Variants in RBL1 observed in about 807,000 individuals in gnomAD.
RBL1 encodes the protein retinoblastoma-like protein 1.
In RBL1, 82 loss-of-function variants were observed where a neutral mutation model predicts 123.0. That is an observed-to-expected ratio of 0.67 (90% CI 0.56 to 0.80). The LOEUF (loss-of-function observed/expected upper bound fraction) is 0.80. Among genes scored for constraint, RBL1 ranks in the 30% least tolerant of loss-of-function variants. The pLI is 0.00. For missense variants in RBL1, 1,171 were observed against 1,299.6 expected (o/e 0.90, Z 1.52); for synonymous variants, 405 against 441.3 (o/e 0.92, Z 1.03).
At chr20:37,005,667 T>C (rs1016142925) in intron 20 of RBL1, among the ~76,000 whole-genome samples, 2 of 152,112 alleles carry the variant, frequency 1.3e-5, no homozygotes, top group Non-Finnish European at 2.9e-5. Context: ...TCCTGTATAA[T>C]GGAAATAAAT....
chr20:37,022,345 G>C (rs1215207618), intron 17 of RBL1, among the ~76,000 whole-genome samples: 1 of 152,166 alleles, frequency 6.6e-6, no homozygotes, highest in Non-Finnish European at 1.5e-5. Flanking sequence ...TATTTTTCTT[G>C]AGACAGGGTC....
intron 2 of RBL1, among the ~76,000 whole-genome samples, chr20:37,085,540 C>G (rs147387025): frequency 6.6e-6 from 1 of 151,910 alleles, no homozygotes; most frequent in African/African-American, 2.4e-5. Flanking sequence ...TAACCTTTAC[C>G]GTTGTAACCA....
intron 2 of RBL1, among the ~76,000 whole-genome samples, chr20:37,084,434 C>T (rs2065507165): frequency 6.6e-6 from 1 of 151,350 alleles, no homozygotes; most frequent in South Asian, 2.1e-4. Flanking sequence ...GAAGAATTTC[C>T]AAAATATAAA....
rs1441590135 is a variant in RBL1 at position 36,998,889 on chromosome 20, T to A, written c.3077A>T (p.Gln1026Leu). 1 of 1,613,782 alleles carries A rather than the reference T, an allele frequency of 6.2e-7. No homozygotes were observed. Among genetic ancestry groups the A allele is most frequent in the East Asian group, 2.2e-5 (1 of 44,878 alleles). ...GGCTATTACTCGCTTCTTGGTTCTC[T>A]GCTCACCTTGCCTTATCATGTTGTT... The part of the protein sequence containing the change: ...DINNMIRQGE[Q>L]RTKKRVIAID... Residue 1026 changes from glutamine (Q) to leucine (L), a missense_variant, in exon 22 of 22, where the codon CAG becomes CTG. Coordinates refer to ENST00000373664, the MANE Select transcript of RBL1 (RefSeq NM_002895.5).
In RBL1 at chr20:37,060,806, A is replaced by G. The variant is rs138248005; in HGVS notation, c.1250+297T>C. Among the ~76,000 whole-genome samples the G allele has an allele frequency of 2.0e-3, 305 of 151,448 alleles. 2 individuals are homozygous for G. Among genetic ancestry groups the G allele is most frequent in the African/African-American group, 7.0e-3 (289 of 41,330 alleles). ...TCAAAAAAAAAACAAAAAAAAAGGG[A>G]GAGATAAGGTCTCCCTATCTTGGCC... is the stretch of plus-strand genomic sequence containing the variant. On this transcript the variant is annotated intron_variant, in intron 9 of 21. Transcript: ENST00000373664.
At chr20:37,016,735 T>C (rs1207872751) in intron 19 of RBL1, among the ~76,000 whole-genome samples, 1 of 151,844 alleles carries the variant, frequency 6.6e-6, no homozygotes, top group African/African-American at 2.4e-5. Flanking sequence ...GAGACCAGCC[T>C]GGGCAACATG....
chr20:37,022,776 A>C lies in RBL1; in HGVS notation c.2433T>G (p.Asp811Glu). The C allele has an allele frequency of 6.2e-7, 1 of 1,613,750 alleles. No individual in the cohort carries two copies. The highest frequency in any genetic ancestry group is 8.5e-7 in the Non-Finnish European group (1 of 1,179,718). The change falls in exon 17 of 22, where the codon GAT becomes GAG. Residue 811 changes from aspartate (D) to glutamate (E), a missense_variant. Transcript: ENST00000373664. Reference protein sequence around the residue: ...VRLRDLCLKLDVSNELRRKIW... With the variant: ...VRLRDLCLKLEVSNELRRKIW... ...TCTTCCTTCGTAACTCATTTGAAAC[A>C]TCCAGTTTTAGACATAGATCACGTA... is the stretch of plus-strand genomic sequence containing the variant.
At chr20:37,062,338 GA>G in intron 7 of RBL1, 68 bp from the exon 8 acceptor site, 1 of 1,543,788 alleles carries the variant, frequency 6.5e-7, no homozygotes, top group Non-Finnish European at 8.7e-7. Flanking sequence ...CTTGAAGATA[GA>G]TTTAGTGTTT....
rs960833926 is a variant in RBL1 at position 37,017,020 on chromosome 20, A to G, written c.2722+1259T>C. Among the ~76,000 whole-genome samples, 15 of 151,432 alleles carry G rather than the reference A, an allele frequency of 9.9e-5. 1 individual carries two copies. In the South Asian group the frequency reaches 1.7e-3, roughly 17 times the overall value. On this transcript the variant is annotated intron_variant, in intron 19 of 21. Coordinates refer to ENST00000373664, the MANE Select transcript of RBL1 (RefSeq NM_002895.5). ...GAGAGAAGACGAGACGAGACGAGACAAGACGAGACAAGAAAAGGAGAAATG... is the reference window on the plus strand; with the variant it reads ...GAGAGAAGACGAGACGAGACGAGACGAGACGAGACAAGAAAAGGAGAAATG...
intron 11 of RBL1, among the ~76,000 whole-genome samples, chr20:37,054,785 G>A (rs749683496): frequency 2.0e-5 from 3 of 151,822 alleles, no homozygotes; most frequent in Admixed American, 1.3e-4. Flanking sequence ...AGCCGAGATC[G>A]TGCCACTGCA....
intron 15 of RBL1, 72 bp from the exon 16 acceptor site, chr20:37,032,948 C>G: frequency 6.5e-7 from 1 of 1,546,780 alleles, no homozygotes; most frequent in East Asian, 2.4e-5. Flanking sequence ...TATATTTTGA[C>G]AATTATATAT....
chr20:37,060,173 A>AAAATAAATAAATAAAT (rs11473427), intron 9 of RBL1, among the ~76,000 whole-genome samples: 23 of 146,308 alleles, frequency 1.6e-4, no homozygotes, highest in African/African-American at 3.6e-4. Flanking sequence ...ACTCTGTCTC[A>AAAATAAATAAATAAAT]AAATAAATAA....
chr20:37,080,457 T>C (rs981229649), intron 2 of RBL1, among the ~76,000 whole-genome samples: 4 of 148,538 alleles, frequency 2.7e-5, no homozygotes, highest in Non-Finnish European at 5.9e-5. Flanking sequence ...ATTTACTCTC[T>C]CTCTCTTTTT....
intron 14 of RBL1, among the ~76,000 whole-genome samples, chr20:37,038,598 C>CTTTTTTT (rs1185859018): frequency 8.4e-6 from 1 of 118,620 alleles, no homozygotes. Flanking sequence ...TGTGCCTGGC[C>CTTTTTTT]TTTTTTTTTT....
Position 37,065,959 on chromosome 20 carries a change from A to G in RBL1, c.847-486T>C, listed in dbSNP as rs958264308. Among the ~76,000 whole-genome samples, 4 of 152,226 alleles carry G rather than the reference A, an allele frequency of 2.6e-5. No homozygotes were observed. In the East Asian group the frequency reaches 7.7e-4, roughly 29 times the overall value. On this transcript the variant is annotated intron_variant, in intron 6 of 21. Coordinates refer to ENST00000373664, the MANE Select transcript of RBL1 (RefSeq NM_002895.5). ...GTTTACTTTGCTAGAGATGTTTAGCATACAGACAATGGGCCATAATATAGA... is the reference window on the plus strand; with the variant it reads ...GTTTACTTTGCTAGAGATGTTTAGCGTACAGACAATGGGCCATAATATAGA...
Position 37,004,125 on chromosome 20 carries a change from C to T in RBL1, c.2872-259G>A, listed in dbSNP as rs573417793. On this transcript the variant is annotated intron_variant, in intron 20 of 21. Transcript: ENST00000373664. ...TGCTCTTGTTGCCCAGGCTGGAGTG[C>T]GATGGCGCAATCTAGGCTCACTGCA... 5.4e-5 allele frequency among the ~76,000 whole-genome samples: 8 copies of T among 148,726 alleles called. No individual in the cohort carries two copies. In the East Asian group the frequency reaches 5.9e-4, roughly 11 times the overall value.
chr20:37,035,585 T>C (rs2064597208), intron 14 of RBL1, 77 bp from the exon 15 acceptor site: 6 of 1,263,540 alleles, frequency 4.7e-6, no homozygotes, highest in East Asian at 2.6e-5. Flanking sequence ...ACTCAACAGA[T>C]AGTGAGTTAC....
intron 1 of RBL1, 136 bp downstream of exon 1, chr20:37,095,637 C>T: frequency 1.4e-6 from 1 of 708,314 alleles, no homozygotes; most frequent in Non-Finnish European, 2.1e-6. Flanking sequence ...CCACCTTTCC[C>T]GCCCCTCGGC....
At chr20:37,002,016 CCAGAAGCAG>C (rs2146196123) in intron 21 of RBL1, among the ~76,000 whole-genome samples, 1 of 150,244 alleles carries the variant, frequency 6.7e-6, no homozygotes, top group South Asian at 2.1e-4. Flanking sequence ...AGTACCCAGA[CCAGAAGCAG>C]CAGAAGCATC....
Sources: gnomAD v4.1 joint callset for allele counts (sites outside exome capture counted in the v4.1 genomes callset) on GRCh38, gnomAD v4.1.1 for gene constraint, MANE v1.5 for transcripts, NCBI Gene and HGNC (gene_info 2026-07-23, HGNC 2026-07-21) for gene names.